Variants in ADAMTS3 observed in about 807,000 individuals in gnomAD.
ADAMTS3 encodes ADAM metallopeptidase with thrombospondin type 1 motif 3, also known as A disintegrin and metalloproteinase with thrombospondin motifs 3.
ADAMTS3 carries 73 observed loss-of-function variants against 129.0 expected under a neutral mutation model. The ratio of observed to expected loss-of-function variants is 0.57; its 90% CI spans 0.47 to 0.69. The LOEUF (loss-of-function observed/expected upper bound fraction) is 0.69. ADAMTS3 is among the 30% of genes least tolerant of loss of function. The pLI is 0.00. For synonymous variants in ADAMTS3, 477 were observed against 510.8 expected (o/e 0.93, Z 0.89); for missense variants, 1,457 against 1,514.5 (o/e 0.96, Z 0.63).
chr4:72,362,279 T>A (rs1720748661), intron 4 of ADAMTS3, among the ~76,000 whole-genome samples: 1 of 152,094 alleles, frequency 6.6e-6, no homozygotes, highest in African/African-American at 2.4e-5. Context: ...CAATGAGAAG[T>A]CAACTGGTCA....
chr4:72,395,705 G>T (rs1467654407), intron 4 of ADAMTS3, among the ~76,000 whole-genome samples: 4 of 152,118 alleles, frequency 2.6e-5, no homozygotes, highest in Admixed American at 2.0e-4. Context: ...TGGGGAAAAA[G>T]AATCTCTATA....
intron 3 of ADAMTS3, among the ~76,000 whole-genome samples, chr4:72,465,850 G>T (rs1718905439): frequency 2.6e-5 from 4 of 151,958 alleles, no homozygotes; most frequent in Admixed American, 2.6e-4. Flanking sequence ...AGTCTCATGA[G>T]ATCTAATGGT....
At chr4:72,458,081 C>A (rs962313536) in intron 3 of ADAMTS3, among the ~76,000 whole-genome samples, 1 of 151,490 alleles carries the variant, frequency 6.6e-6, no homozygotes, top group African/African-American at 2.4e-5. Context: ...GCATCTAGAG[C>A]TGGTAATATT....
In ADAMTS3 at chr4:72,455,457, C is replaced by T. The variant is rs376784469; in HGVS notation, c.505-40486G>A. Among the ~76,000 whole-genome samples the T allele has an allele frequency of 5.3e-5, 8 of 151,258 alleles. No homozygotes were observed. The South Asian group carries it at 1.0e-3, about 20-fold the overall frequency. Reference sequence around the variant, plus strand: ...TATGGACACAGGGAGGGGAACATCACGCACCAGGGCCTATTGGGGGTGGGG... The same window carrying T: ...TATGGACACAGGGAGGGGAACATCATGCACCAGGGCCTATTGGGGGTGGGG... On this transcript the variant is annotated intron_variant, in intron 3 of 21. Coordinates refer to ENST00000286657, the MANE Select transcript of ADAMTS3 (RefSeq NM_014243.3).
chr4:72,542,739 T>C (rs1578780577), intron 3 of ADAMTS3, among the ~76,000 whole-genome samples: 1 of 152,112 alleles, frequency 6.6e-6, no homozygotes, highest in Non-Finnish European at 1.5e-5. Context: ...CTGATTGGGA[T>C]AGACAAAAAG....
At chr4:72,529,759 TATTAATATATGTTA>T (rs1234976070) in intron 3 of ADAMTS3, among the ~76,000 whole-genome samples, 1 of 108,152 alleles carries the variant, frequency 9.2e-6, no homozygotes, top group South Asian at 2.4e-4. Flanking sequence ...TTGTATATAA[TATTAATATATGTTA>T]ATTAATATAT....
chr4:72,296,239 G>A (rs1249562905), intron 18 of ADAMTS3, among the ~76,000 whole-genome samples: 1 of 151,942 alleles, frequency 6.6e-6, no homozygotes, highest in Non-Finnish European at 1.5e-5. Context: ...AAATAGTATG[G>A]GGTAATGGAA....
At chr4:72,500,816 C>T (rs147721034) in intron 3 of ADAMTS3, among the ~76,000 whole-genome samples, 77 of 152,050 alleles carry the variant, frequency 5.1e-4, no homozygotes, top group East Asian at 3.3e-3. Context: ...GGAGTAGTTC[C>T]GTTCTTCTGC....
At chr4:72,295,903 G>T in intron 18 of ADAMTS3, 117 bp from the exon 19 acceptor site, 1 of 1,296,682 alleles carries the variant, frequency 7.7e-7, no homozygotes, top group Non-Finnish European at 1.1e-6. Context: ...TGTATTGAGT[G>T]CATACAAACC....
chr4:72,342,778 A>C (rs1342647475), intron 4 of ADAMTS3, among the ~76,000 whole-genome samples: 1 of 152,144 alleles, frequency 6.6e-6, no homozygotes, highest in Admixed American at 6.6e-5. Context: ...AACCAAATGC[A>C]TGACTCATGA....
intron 11 of ADAMTS3, among the ~76,000 whole-genome samples, chr4:72,314,400 G>C (rs1719333922): frequency 6.6e-6 from 1 of 152,094 alleles, no homozygotes; most frequent in Non-Finnish European, 1.5e-5. Context: ...AGGTTCATAA[G>C]TAGTTGAAGG....
intron 4 of ADAMTS3, among the ~76,000 whole-genome samples, chr4:72,345,399 A>G (rs967605217): frequency 7.2e-5 from 11 of 152,218 alleles, no homozygotes; most frequent in African/African-American, 2.2e-4. Flanking sequence ...ATCATCCAAT[A>G]GTGATTTTTA....
rs139495884 is a variant in ADAMTS3, at chr4:72,388,662, A to T, written c.661+26153T>A. 8.5e-5 allele frequency among the ~76,000 whole-genome samples: 13 copies of T among 152,304 alleles called. 1 individual carries two copies. The East Asian group carries it at 2.5e-3, about 29-fold the overall frequency. ...GGGAGCTCTTTGCTGTAGCAGTTTA[A>T]CCTCATTCCAATCAATCCACAGGCT... On this transcript the variant is annotated intron_variant, in intron 4 of 21. Transcript: ENST00000286657.
intron 3 of ADAMTS3, among the ~76,000 whole-genome samples, chr4:72,418,261 C>T (rs968983429): frequency 2.6e-5 from 4 of 152,048 alleles, no homozygotes; most frequent in Admixed American, 6.6e-5. Context: ...AATAAACCTT[C>T]GCTTTGGCCA....
At chr4:72,567,028 T>C (rs1324667216) in intron 2 of ADAMTS3, among the ~76,000 whole-genome samples, 2 of 152,210 alleles carry the variant, frequency 1.3e-5, no homozygotes, top group Non-Finnish European at 2.9e-5. Context: ...AATGTGCTCC[T>C]CCTAAATGCT....
intron 16 of ADAMTS3, among the ~76,000 whole-genome samples, chr4:72,305,186 A>C (rs1719050293): frequency 6.6e-6 from 1 of 151,994 alleles, no homozygotes; most frequent in Admixed American, 6.6e-5. Context: ...TTAAATGTAA[A>C]CCTCTTTAAA....
intron 3 of ADAMTS3, among the ~76,000 whole-genome samples, chr4:72,511,914 T>A (rs1291669468): frequency 6.6e-6 from 1 of 152,176 alleles, no homozygotes; most frequent in African/African-American, 2.4e-5. Context: ...ATACACACAA[T>A]GGAGTACTAT....
rs1721845711 is a variant in ADAMTS3 at position 72,399,861 on chromosome 4, C to CATACACACACGGTGTGTACGCATAT, written c.661+14953_661+14954insATATGCGTACACACCGTGTGTGTAT. Among the ~76,000 whole-genome samples the CATACACACACGGTGTGTACGCATAT allele has an allele frequency of 1.8e-4, 7 of 39,872 alleles. 1 individual carries two copies. Among genetic ancestry groups the CATACACACACGGTGTGTACGCATAT allele is most frequent in the Admixed American group, 1.1e-3 (4 of 3,672 alleles). 26.2% of individuals were successfully genotyped at this position (39,872 alleles called of 152,430 possible). ...TATATACACACACGGTGTGTATATACGTGTGTATATATACACACACGGTGT... is the reference window on the plus strand; with the variant it reads ...TATATACACACACGGTGTGTATATACATACACACACGGTGTGTACGCATATGTGTGTATATATACACACACGGTGT... On this transcript the variant is annotated intron_variant, in intron 4 of 21. Transcript: ENST00000286657.
intron 15 of ADAMTS3, among the ~76,000 whole-genome samples, chr4:72,307,598 T>C (rs1488954881): frequency 5.3e-5 from 8 of 152,048 alleles, no homozygotes; most frequent in Admixed American, 5.2e-4. Flanking sequence ...AGGCAAGTTA[T>C]AAAATATGTT....
Sources: allele counts gnomAD v4.1 joint callset (sites outside exome capture counted in the v4.1 genomes callset), GRCh38; gene constraint gnomAD v4.1.1; transcripts MANE v1.5; gene names NCBI Gene and HGNC (gene_info 2026-07-23, HGNC 2026-07-21).